CCT6B: variants seen among roughly 807,000 people sequenced by gnomAD.
The protein encoded by CCT6B is probable T-complex protein 1 subunit zeta-2.
CCT6B carries 49 observed loss-of-function variants against 61.5 expected under a neutral mutation model. That is an observed-to-expected ratio of 0.80 (90% CI 0.63 to 1.01). CCT6B has a LOEUF of 1.01. CCT6B is among the 50% of genes least tolerant of loss of function. The pLI, the probability that CCT6B is intolerant of heterozygous loss-of-function variation, is 0.00. For synonymous variants in CCT6B, 228 were observed against 214.5 expected, an observed-to-expected ratio of 1.06 and a Z score of -0.55; for missense variants, 666 against 634.7, an observed-to-expected ratio of 1.05 and a Z score of -0.53.
intron 5 of CCT6B, among the ~76,000 whole-genome samples, chr17:34,946,991 T>C (rs1437103422): frequency 2.6e-5 from 4 of 152,228 alleles, no homozygotes; most frequent in African/African-American, 9.6e-5. Context: ...TCAAGTCATA[T>C]TGCTATGATA....
intron 5 of CCT6B, among the ~76,000 whole-genome samples, chr17:34,947,854 C>T (rs549684736): frequency 1.3e-5 from 2 of 151,598 alleles, no homozygotes; most frequent in Non-Finnish European, 1.5e-5. Context: ...TGGTGGTGCA[C>T]GCCTGTAGTC....
intron 5 of CCT6B, chr17:34,949,629 A>G (rs2090269430): frequency 6.6e-6 from 1 of 152,208 alleles, no homozygotes; most frequent in Non-Finnish European, 1.5e-5. Context: ...CAGATAAATT[A>G]TACTTTTAAA....
chr17:34,930,922 G>A (rs760115069), intron 12 of CCT6B, 27 bp downstream of exon 12: 5 of 1,143,450 alleles, frequency 4.4e-6, no homozygotes, highest in East Asian at 2.4e-5. Context: ...TCTTTATTAA[G>A]CAGCTAATTT....
At chr17:34,943,837 A>G (rs2090194373) in intron 5 of CCT6B, 1 of 151,098 alleles carries the variant, frequency 6.6e-6, no homozygotes, top group South Asian at 2.1e-4. Flanking sequence ...AATGGGAGGG[A>G]CCTAAGAGTA....
rs374655656 is a variant in CCT6B, at chr17:34,928,969, G to T, written c.1516C>A (p.His506Asn). The T allele has an allele frequency of 1.9e-6, 3 of 1,573,034 alleles. No homozygotes were observed. Among genetic ancestry groups the T allele is most frequent in the Non-Finnish European group, 2.6e-6 (3 of 1,143,568 alleles). The change falls in exon 13 of 14, where the codon CAC becomes AAC. Residue 506 changes from histidine (H) to asparagine (N), a missense_variant. His to Asn is a moderately conservative substitution (Grantham distance 68). Coordinates refer to ENST00000314144, the MANE Select transcript of CCT6B (RefSeq NM_006584.4). ...DNYCVKKQLL[H>N]SCTVIATNIL... ...ATGTTCATATGAACTTACCAAGAGTGAAGAAGTTGTTTTTTTACACAATAA... is the reference window on the plus strand; with the variant it reads ...ATGTTCATATGAACTTACCAAGAGTTAAGAAGTTGTTTTTTTACACAATAA...
chr17:34,940,973 T>C (rs1488606769), intron 7 of CCT6B, among the ~76,000 whole-genome samples: 2 of 152,196 alleles, frequency 1.3e-5, no homozygotes, highest in Non-Finnish European at 2.9e-5. Context: ...TGGATTCTCA[T>C]ATCTCATTCA....
intron 5 of CCT6B, 167 bp from the exon 6 acceptor site, chr17:34,943,073 G>A: frequency 7.5e-6 from 4 of 536,516 alleles, no homozygotes; most frequent in Non-Finnish European, 3.3e-6. Context: ...CAGAGATGGG[G>A]GTCTTGCTAT....
chr17:34,945,625 C>T (rs2090215115), intron 5 of CCT6B, among the ~76,000 whole-genome samples: 1 of 152,282 alleles, frequency 6.6e-6, no homozygotes, highest in South Asian at 2.1e-4. Context: ...CTGGTTTCTG[C>T]CTTTGGCCCT....
intron 10 of CCT6B, among the ~76,000 whole-genome samples, chr17:34,938,393 C>T (rs2090118859): frequency 6.6e-6 from 1 of 151,788 alleles, no homozygotes; most frequent in African/African-American, 2.4e-5. Context: ...ATAGACAGAA[C>T]TCATCTCTAC....
At chr17:34,937,820 A>G (rs2142145075) in intron 10 of CCT6B, among the ~76,000 whole-genome samples, 1 of 152,276 alleles carries the variant, frequency 6.6e-6, no homozygotes, top group South Asian at 2.1e-4. Context: ...CTTGTACCCA[A>G]ATTATATACA....
At position 34,931,048 on chromosome 17, in the gene CCT6B, G is replaced by A. The variant is rs2090029895; in HGVS notation, c.1351C>T (p.Leu451Phe). The A allele has an allele frequency of 2.2e-6, 3 of 1,389,810 alleles. No homozygotes were observed. The South Asian group carries it at 4.3e-5, about 20-fold the overall frequency. 86.1% of individuals were successfully genotyped at this position (1,389,810 alleles called of 1,614,324 possible). ...GGGTCATAACCAGCATTCTGAGCAAGAACCTTTAGGAATAAAAATAATAAT... is the reference window on the plus strand; with the variant it reads ...GGGTCATAACCAGCATTCTGAGCAAAAACCTTTAGGAATAAAAATAATAAT... ...ADALLIIPKV[L>F]AQNAGYDPQE... is the part of the protein sequence containing the mutation. The change falls in exon 12 of 14, where the codon CTT becomes TTT. Residue 451 changes from leucine to phenylalanine, a missense_variant. Leu to Phe is a conservative substitution (Grantham distance 22). Coordinates refer to ENST00000314144, the MANE Select transcript of CCT6B (RefSeq NM_006584.4).
chr17:34,956,803 C>G (rs950734952), intron 3 of CCT6B, among the ~76,000 whole-genome samples: 1 of 151,868 alleles, frequency 6.6e-6, no homozygotes, highest in African/African-American at 2.4e-5. Context: ...CCTCTCTCCT[C>G]TCTTCTCTCT....
intron 13 of CCT6B, among the ~76,000 whole-genome samples, chr17:34,928,665 T>C (rs1366180869): frequency 1.3e-5 from 2 of 152,238 alleles, no homozygotes; most frequent in African/African-American, 4.8e-5. Context: ...ATTTTTACAA[T>C]ATCATTTGAT....
At position 34,961,302 on chromosome 17, in the gene CCT6B, T is replaced by G. The variant is rs1334385056; in HGVS notation, c.92A>C (p.Gln31Pro). The change falls in exon 1 of 14, where the codon CAG becomes CCG. Residue 31 changes from glutamine to proline, a missense_variant. Physicochemically the swap from Gln to Pro is moderately conservative, Grantham distance 76. Transcript: ENST00000314144. ...ACCCAAGTTGGTCCGCAGCACATCC[T>G]GCAGCCCTCGGGCGGCGCATATATT... is the stretch of plus-strand genomic sequence containing the variant. ...AVNICAARGL[Q>P]DVLRTNLGPK... 2 of 1,613,090 alleles carry G rather than the reference T, an allele frequency of 1.2e-6. No individual in the cohort carries two copies. Among genetic ancestry groups the G allele is most frequent in the East Asian group, 2.2e-5 (1 of 44,890 alleles).
intron 10 of CCT6B, among the ~76,000 whole-genome samples, chr17:34,934,078 G>A (rs560256532): frequency 3.3e-5 from 5 of 149,964 alleles, no homozygotes; most frequent in African/African-American, 9.8e-5. Context: ...GCAGTGAGCC[G>A]TGACCATGCC....
At chr17:34,959,000 T>C (rs1229195009) in intron 2 of CCT6B, among the ~76,000 whole-genome samples, 1 of 152,118 alleles carries the variant, frequency 6.6e-6, no homozygotes, top group African/African-American at 2.4e-5. Flanking sequence ...ATATTTTTAT[T>C]TTTCCATAAT....
At chr17:34,949,095 G>GGGAGAGAAAAGAAAA (rs1555550302) in intron 5 of CCT6B, among the ~76,000 whole-genome samples, 17 of 86,264 alleles carry the variant, frequency 2.0e-4, no homozygotes, top group Middle Eastern at 7.0e-3. Flanking sequence ...GGGAGGGGAG[G>GGGAGAGAAAAGAAAA]GAAAAGAAAA....
intron 5 of CCT6B, 53 bp downstream of exon 5, chr17:34,951,895 GAA>G (rs1387991836): frequency 6.4e-6 from 5 of 780,124 alleles, no homozygotes; most frequent in Non-Finnish European, 8.2e-6. Flanking sequence ...TTTAATAAAA[GAA>G]TATCTTTAAA....
chr17:34,936,368 C>T (rs2090094095), intron 10 of CCT6B, among the ~76,000 whole-genome samples: 1 of 152,134 alleles, frequency 6.6e-6, no homozygotes, highest in Non-Finnish European at 1.5e-5. Flanking sequence ...AATGCTTTCC[C>T]CCTAAGATCA....
Sources: gnomAD v4.1 joint callset for allele counts (sites outside exome capture counted in the v4.1 genomes callset) on GRCh38, gnomAD v4.1.1 for gene constraint, MANE v1.5 for transcripts, NCBI Gene and HGNC (gene_info 2026-07-23, HGNC 2026-07-21) for gene names.